Variants in HOXD11 observed in about 807,000 individuals in gnomAD.
HOXD11 encodes the protein homeobox protein Hox-D11.
Under a neutral mutation model 23.1 loss-of-function variants are expected in HOXD11, and 16 were observed. The observed-to-expected ratio is 0.69, with a 90% confidence interval of 0.47 to 1.05. HOXD11 has a LOEUF of 1.05. Among genes scored for constraint, HOXD11 ranks in the 50% least tolerant of loss-of-function variants. HOXD11 has a pLI of 0.00. For synonymous variants in HOXD11, 262 were observed against 224.4 expected (o/e 1.17, Z -1.50); for missense variants, 564 against 495.6 (o/e 1.14, Z -1.31).
chr2:176,109,924 C>G (rs1185752475), downstream of HOXD11, among the ~76,000 whole-genome samples: 3 of 152,186 alleles, frequency 2.0e-5, no homozygotes, highest in East Asian at 5.8e-4. Context: ...AACTCCCACC[C>G]CCACCACTAG....
the HOXD11 span, among the ~76,000 whole-genome samples, chr2:176,114,790 A>C: frequency 2.8e-4 from 43 of 152,334 alleles, 1 homozygote; most frequent in Admixed American, 4.6e-4. Context: ...AACCCAATTT[A>C]CCCACAAGTT....
chr2:176,111,840 A>AAAAAAAAAAAAC (rs1553518459), downstream of HOXD11, among the ~76,000 whole-genome samples: 26 of 140,720 alleles, frequency 1.8e-4, no homozygotes, highest in Non-Finnish European at 3.3e-4. Flanking sequence ...AAAAAAAAAA[A>AAAAAAAAAAAAC]AAAAAAAAAC....
the HOXD11 span, among the ~76,000 whole-genome samples, chr2:176,115,101 T>C: frequency 6.6e-6 from 1 of 152,246 alleles, no homozygotes; most frequent in Non-Finnish European, 1.5e-5. Context: ...GAGGAAGTTG[T>C]TGAAGTTTCT....
Position 176,109,019 on chromosome 2 carries a change from A to G in HOXD11, c.894A>G (p.Gln298=), listed in dbSNP as rs1216299191. Residue 298 remains glutamine, a synonymous_variant, in exon 2 of 2, where the codon CAA becomes CAG. Coordinates refer to ENST00000249504, the MANE Select transcript of HOXD11 (RefSeq NM_021192.3). ...NVYINKEKRL[Q]LSRMLNLTDR... ...ACATAAACAAAGAGAAAAGACTTCA[A>G]CTCTCTCGGATGCTCAACCTCACTG... 7 of 1,613,864 alleles carry G rather than the reference A, an allele frequency of 4.3e-6. No individual in the cohort carries two copies. In the East Asian group the frequency reaches 6.7e-5, roughly 15 times the overall value.
In HOXD11 at chr2:176,109,633, T is replaced by C. The variant is rs1447261342; in HGVS notation, c.*491T>C. On this transcript the variant is annotated 3_prime_UTR_variant, in exon 2 of 2. Coordinates refer to ENST00000249504, the MANE Select transcript of HOXD11 (RefSeq NM_021192.3). Reference sequence around the variant, plus strand: ...TTTTGTGTGAATAAATGGTTTCTAGTAAAATGGAGGTTACAGCTTCAATAC... The same window carrying C: ...TTTTGTGTGAATAAATGGTTTCTAGCAAAATGGAGGTTACAGCTTCAATAC... The C allele has an allele frequency of 3.2e-5, 7 of 219,180 alleles. No homozygotes were observed. The highest frequency in any genetic ancestry group is 6.4e-5 in the Non-Finnish European group (7 of 109,312). The allele number at this position is 219,180 out of a possible 1,614,324, so 13.6% of individuals were successfully genotyped here.
At position 176,107,656 on chromosome 2, in the gene HOXD11, G is replaced by C; in HGVS notation, c.301G>C (p.Gly101Arg). ...CCCCGGCGGGGGCGGCGGCGGCGCGGGGGGCTACGCTCCCTACTACGCGGC... is the reference window on the plus strand; with the variant it reads ...CCCCGGCGGGGGCGGCGGCGGCGCGCGGGGCTACGCTCCCTACTACGCGGC... ...GGPGGGGGGA[G>R]GYAPYYAAAA... is the part of the protein sequence containing the mutation. The change falls in exon 1 of 2, where the codon GGG becomes CGG. Residue 101 changes from glycine (G) to arginine (R), a missense_variant. Gly to Arg is a moderately radical substitution (Grantham distance 125, BLOSUM62 -2). Transcript: ENST00000249504. 1.0e-6 allele frequency: 1 copy of C among 978,210 alleles called. No homozygotes were observed. Among genetic ancestry groups the C allele is most frequent in the African/African-American group, 1.8e-5 (1 of 56,468 alleles). 60.6% of individuals were successfully genotyped at this position (978,210 alleles called of 1,614,324 possible). A position where few individuals can be genotyped will look rare whatever the true frequency, so the allele number is the denominator to read the frequency against.
rs948688954 is a variant in HOXD11, at chr2:176,107,706, C to A, written c.351C>A (p.Ala117=). ...YAAAAAAAAA[A]AAAEEAAMQR... is the part of the protein sequence containing the mutation. ...CGGCGGCGGCGGCGGCTGCGGCGGC[C>A]GCGGCGGCCGAGGAGGCGGCCATGC... Residue 117 remains alanine (A), a synonymous_variant, in exon 1 of 2, where the codon GCC becomes GCA. Coordinates refer to ENST00000249504, the MANE Select transcript of HOXD11 (RefSeq NM_021192.3). The A allele has an allele frequency of 4.2e-5, 44 of 1,052,900 alleles. No individual in the cohort carries two copies. In the African/African-American group the frequency reaches 7.6e-4, roughly 18 times the overall value. 65.2% of individuals were successfully genotyped at this position (1,052,900 alleles called of 1,614,324 possible). A position where few individuals can be genotyped will look rare whatever the true frequency, so the allele number is the denominator to read the frequency against.
chr2:176,108,423 A>G (rs1689620245), intron 1 of HOXD11, among the ~76,000 whole-genome samples: 1 of 148,056 alleles, frequency 6.8e-6, no homozygotes, highest in Non-Finnish European at 1.5e-5. Flanking sequence ...GGAGGGAGGG[A>G]GATTTCAAGC....
chr2:176,111,604 A>G (rs1164886035), downstream of HOXD11: 1 of 151,454 alleles, frequency 6.6e-6, no homozygotes, highest in Non-Finnish European at 1.5e-5. Flanking sequence ...TTCACGAAAC[A>G]GCCTAATCTT....
chr2:176,115,663 C>A, the HOXD11 span, among the ~76,000 whole-genome samples: 2 of 152,232 alleles, frequency 1.3e-5, no homozygotes, highest in Non-Finnish European at 2.9e-5. Flanking sequence ...ATAAATTCCA[C>A]AACCTTTTGT....
At chr2:176,108,448 A>G (rs1689620645) in intron 1 of HOXD11, among the ~76,000 whole-genome samples, 1 of 149,264 alleles carries the variant, frequency 6.7e-6, no homozygotes, top group African/African-American at 2.5e-5. Flanking sequence ...GTGAGTGCAT[A>G]CACCGGAGCC....
chr2:176,115,266 C>A, the HOXD11 span, among the ~76,000 whole-genome samples: 4 of 152,346 alleles, frequency 2.6e-5, no homozygotes, highest in African/African-American at 9.6e-5. Flanking sequence ...TTCCCACCTC[C>A]TTCCCCTCCC....
At chr2:176,110,386 C>T (rs895271692), downstream of HOXD11, among the ~76,000 whole-genome samples, 9 of 152,126 alleles carry the variant, frequency 5.9e-5, no homozygotes, top group African/African-American at 1.7e-4. Context: ...AAGAGATTTC[C>T]GCAATGTGCA....
chr2:176,114,750 G>A (rs1689724765), downstream of HOXD11, among the ~76,000 whole-genome samples: 1 of 152,218 alleles, frequency 6.6e-6, no homozygotes, highest in Non-Finnish European at 1.5e-5. Flanking sequence ...ATGAACCTCA[G>A]GCCCCAAAGA....
At chr2:176,108,727 A>G in intron 1 of HOXD11, 180 bp from the exon 2 acceptor site, 2 of 578,642 alleles carry the variant, frequency 3.5e-6, no homozygotes, top group South Asian at 2.1e-5. Flanking sequence ...CCACGCCCGC[A>G]CTCTCTCCTG....
At chr2:176,112,258 G>A (rs1022693503), downstream of HOXD11, among the ~76,000 whole-genome samples, 6 of 152,246 alleles carry the variant, frequency 3.9e-5, no homozygotes, top group Admixed American at 2.0e-4. Context: ...CAGAAGCAGT[G>A]CATTCGTTGC....
chr2:176,108,039 G>A lies in HOXD11; in HGVS notation c.684G>A (p.Ala228=), dbSNP rs1462757891. ...GCGGGGGCAGTCCCTGCACCAAGGC[G>A]ACCCCTGGCTCGGAGCCCAAGGGGG... ...GGGGGSPCTK[A]TPGSEPKGAA... Residue 228 remains alanine (A), a synonymous_variant, in exon 1 of 2, where the codon GCG becomes GCA. Coordinates refer to ENST00000249504, the MANE Select transcript of HOXD11 (RefSeq NM_021192.3). The A allele has an allele frequency of 1.1e-5, 16 of 1,491,952 alleles. No individual in the cohort carries two copies. Among genetic ancestry groups the A allele is most frequent in the Non-Finnish European group, 2.7e-6 (3 of 1,126,732 alleles). The allele number at this position is 1,491,952 out of a possible 1,614,324, so 92.4% of individuals were successfully genotyped here.
At chr2:176,108,385 A>G (rs1689619518) in intron 1 of HOXD11, among the ~76,000 whole-genome samples, 1 of 134,682 alleles carries the variant, frequency 7.4e-6, no homozygotes, top group South Asian at 2.7e-4. Context: ...AGTTTTGGGC[A>G]GGGGGTTGCT....
In HOXD11 at chr2:176,108,899, C is replaced by T. The variant is rs376624960; in HGVS notation, c.782-8C>T. The T allele has an allele frequency of 2.5e-6, 4 of 1,605,158 alleles. No individual in the cohort carries two copies. Among genetic ancestry groups the T allele is most frequent in the Admixed American group, 3.3e-5 (2 of 59,972 alleles). On this transcript the variant is annotated splice_region_variant and splice_polypyrimidine_tract_variant and intron_variant, in intron 1 of 1. Coordinates refer to ENST00000249504, the MANE Select transcript of HOXD11 (RefSeq NM_021192.3). ...CCTCTCTCACCCCCTGGTCTCTTTG[C>T]CTTGCAGTTGCCCCCCAGCGGTCCC... is the stretch of plus-strand genomic sequence containing the variant.
Sources: allele counts gnomAD v4.1 joint callset (sites outside exome capture counted in the v4.1 genomes callset), GRCh38; gene constraint gnomAD v4.1.1; transcripts MANE v1.5; gene names NCBI Gene and HGNC (gene_info 2026-07-23, HGNC 2026-07-21).